Variants in ZNF525 observed in about 807,000 individuals in gnomAD.
ZNF525 encodes zinc finger protein 525.
A neutral mutation model predicts 37.6 loss-of-function variants in ZNF525; 33 were observed. That is an observed-to-expected ratio of 0.88 (90% CI 0.67 to 1.17). The LOEUF (loss-of-function observed/expected upper bound fraction) is 1.17, where lower values mean the gene tolerates loss of function less well. Ranked by LOEUF, ZNF525 falls within the 50% of genes most tolerant of loss-of-function variation. The pLI, the probability that ZNF525 is intolerant of heterozygous loss-of-function variation, is 0.00. For synonymous variants in ZNF525, 170 were observed against 182.3 expected (o/e 0.93, Z 0.54); for missense variants, 449 against 543.1 (o/e 0.83, Z 1.72).
chr19:53,382,789 G>T lies in ZNF525; in HGVS notation c.*770G>T. ...ATCGTTCATACCTTGCAGTTCACGG[G>T]CGAACTCATGCTGGAGAGAAACCTT... On this transcript the variant is annotated 3_prime_UTR_variant, in exon 4 of 4. Coordinates refer to ENST00000474037, the MANE Select transcript of ZNF525 (RefSeq NM_001348156.2). 1 of 1,099,256 alleles carries T rather than the reference G, an allele frequency of 9.1e-7. No individual in the cohort carries two copies. Among genetic ancestry groups the T allele is most frequent in the Non-Finnish European group, 1.4e-6 (1 of 735,158 alleles). 68.1% of individuals were successfully genotyped at this position (1,099,256 alleles called of 1,614,324 possible).
At chr19:53,379,893 T>C (rs1334330399) in intron 3 of ZNF525, among the ~76,000 whole-genome samples, 1 of 152,066 alleles carries the variant, frequency 6.6e-6, no homozygotes, top group Non-Finnish European at 1.5e-5. Context: ...TCCCATGTAC[T>C]CAGGAGGCTG....
chr19:53,366,540 GAAAA>G lies in ZNF525; in HGVS notation c.-68+795_-68+798del, dbSNP rs57967171. On this transcript the variant is annotated intron_variant, in intron 1 of 3. Transcript: ENST00000474037. ...GGATTTGCCAAGAGACAGCAAAAGT[GAAAA>G]AAAAAAAAAAAAAGATAAGCAGGAG... is the stretch of plus-strand genomic sequence containing the variant. 1.1e-4 allele frequency among the ~76,000 whole-genome samples: 14 copies of G among 124,146 alleles called. No individual in the cohort carries two copies. In the South Asian group the frequency reaches 1.8e-3, roughly 16 times the overall value. 81.4% of individuals were successfully genotyped at this position (124,146 alleles called of 152,430 possible). A position where few individuals can be genotyped will look rare whatever the true frequency, so the allele number is the denominator to read the frequency against.
At chr19:53,376,328 T>C (rs984070004) in intron 3 of ZNF525, 2 of 702,998 alleles carry the variant, frequency 2.8e-6, no homozygotes, top group Non-Finnish European at 5.2e-6. Flanking sequence ...AGTTGGTTCC[T>C]GTTGATTGAG....
Position 53,385,032 on chromosome 19 carries a change from T to G in ZNF525, c.*3013T>G. 1 of 699,778 alleles carries G rather than the reference T, an allele frequency of 1.4e-6. No individual in the cohort carries two copies. Among genetic ancestry groups the G allele is most frequent in the Non-Finnish European group, 2.6e-6 (1 of 384,078 alleles). The allele number at this position is 699,778 out of a possible 1,614,324, so 43.3% of individuals were successfully genotyped here. A position where few individuals can be genotyped will look rare whatever the true frequency, so the allele number is the denominator to read the frequency against. On this transcript the variant is annotated 3_prime_UTR_variant, in exon 4 of 4. Transcript: ENST00000474037. The stretch of plus-strand genomic sequence containing the variant: ...GCTTTTTCTCCATCTACTAAGGTGA[T>G]GTGGTTTTAATCTTTCATTCTGTTC...
Position 53,372,067 on chromosome 19 carries a change from A to G in ZNF525, c.-67-148A>G, listed in dbSNP as rs151041555. The G allele has an allele frequency of 3.5e-3, 1,458 of 419,980 alleles. 14 individuals are homozygous for G. The highest frequency in any genetic ancestry group is 0.026 in the African/African-American group (1,309 of 49,544). 26.0% of individuals were successfully genotyped at this position (419,980 alleles called of 1,614,324 possible). A position where few individuals can be genotyped will look rare whatever the true frequency, so the allele number is the denominator to read the frequency against. On this transcript the variant is annotated intron_variant, in intron 1 of 3. Coordinates refer to ENST00000474037, the MANE Select transcript of ZNF525 (RefSeq NM_001348156.2). ...AGGAGGGGAGTGGGAGTTTTCCTGT[A>G]GGAGTTTATTGTACCTGGTACCTGG...
intron 3 of ZNF525, among the ~76,000 whole-genome samples, chr19:53,379,723 C>A (rs899025553): frequency 1.3e-5 from 2 of 152,138 alleles, no homozygotes; most frequent in African/African-American, 4.8e-5. Context: ...AAAGTGCCAG[C>A]GGGTGCTGTG....
At chr19:53,367,323 T>G (rs997241208) in intron 1 of ZNF525, among the ~76,000 whole-genome samples, 1 of 150,476 alleles carries the variant, frequency 6.6e-6, no homozygotes, top group South Asian at 2.1e-4. Flanking sequence ...ATTTTTTTTT[T>G]TAAATTTCTG....
At position 53,381,634 on chromosome 19, in the gene ZNF525, A is replaced by G. The variant is rs760552089; in HGVS notation, c.1055A>G (p.Lys352Arg). 2 of 1,131,270 alleles carry G rather than the reference A, an allele frequency of 1.8e-6. No individual in the cohort carries two copies. The highest frequency in any genetic ancestry group is 2.7e-6 in the Non-Finnish European group (2 of 739,088). 70.1% of individuals were successfully genotyped at this position (1,131,270 alleles called of 1,614,324 possible). ...TGCCATCGTAGCATTCATACTGGAA[A>G]GAAACCTTACGAATGTGAAGAATGT... is the stretch of plus-strand genomic sequence containing the variant. ...LACHRSIHTG[K>R]KPYECEECDK... The change falls in exon 4 of 4, where the codon AAG becomes AGG. Residue 352 changes from lysine (K) to arginine (R), a missense_variant. Coordinates refer to ENST00000474037, the MANE Select transcript of ZNF525 (RefSeq NM_001348156.2).
rs1243872003 is a variant in ZNF525, at chr19:53,381,396, T to A, written c.817T>A (p.Cys273Ser). ...RCHTGEKPYK[C>S]NECGKSFSQM... The stretch of plus-strand genomic sequence containing the variant: ...TCACACTGGTGAGAAACCTTACAAG[T>A]GTAATGAGTGTGGCAAGTCCTTCAG... Residue 273 changes from cysteine (C) to serine (S), a missense_variant, in exon 4 of 4, where the codon TGT (cysteine) becomes AGT (serine). Physicochemically the swap from Cys to Ser is moderately radical, Grantham distance 112 (BLOSUM62 -1). Coordinates refer to ENST00000474037, the MANE Select transcript of ZNF525 (RefSeq NM_001348156.2). The A allele has an allele frequency of 6.3e-7, 1 of 1,596,200 alleles. No individual in the cohort carries two copies. Among genetic ancestry groups the A allele is most frequent in the African/African-American group, 1.3e-5 (1 of 74,604 alleles).
In ZNF525 at chr19:53,384,205, T is replaced by C. The variant is rs1329813314; in HGVS notation, c.*2186T>C. 3.3e-5 allele frequency: 11 copies of C among 334,674 alleles called. No homozygotes were observed. The highest frequency in any genetic ancestry group is 5.9e-5 in the Non-Finnish European group (10 of 168,362). 20.7% of individuals were successfully genotyped at this position (334,674 alleles called of 1,614,324 possible). On this transcript the variant is annotated 3_prime_UTR_variant, in exon 4 of 4. Coordinates refer to ENST00000474037, the MANE Select transcript of ZNF525 (RefSeq NM_001348156.2). ...AGTGTTTATGTTAAGAGGACTGGGC[T>C]GTGTGGCATGGCTCACGCCTGTAAT...
At chr19:53,374,113 C>T (rs2085505793) in intron 2 of ZNF525, among the ~76,000 whole-genome samples, 1 of 152,018 alleles carries the variant, frequency 6.6e-6, no homozygotes, top group African/African-American at 2.4e-5. Context: ...GAACTTCTGA[C>T]CTAAGATGAT....
chr19:53,374,450 A>T (rs1174528033), intron 2 of ZNF525, among the ~76,000 whole-genome samples: 2 of 152,172 alleles, frequency 1.3e-5, no homozygotes, highest in African/African-American at 4.8e-5. Flanking sequence ...CTGCCTCTGC[A>T]CGTGCCTGCA....
chr19:53,372,982 A>G (rs568287252), intron 2 of ZNF525, among the ~76,000 whole-genome samples: 1 of 152,200 alleles, frequency 6.6e-6, no homozygotes, highest in Non-Finnish European at 1.5e-5. Flanking sequence ...TTCAGTAAAA[A>G]TGGTTATAAC....
Position 53,373,087 on chromosome 19 carries a change from C to T in ZNF525, c.15+791C>T, listed in dbSNP as rs2085498551. On this transcript the variant is annotated intron_variant, in intron 2 of 3. Coordinates refer to ENST00000474037, the MANE Select transcript of ZNF525 (RefSeq NM_001348156.2). ...TTACAATTATTATTATTATGATATT[C>T]TGATAATATTATTATATTTTAAATA... Among the ~76,000 whole-genome samples the T allele has an allele frequency of 2.6e-5, 4 of 151,896 alleles. No individual in the cohort carries two copies. In the South Asian group the frequency reaches 8.3e-4, roughly 31 times the overall value.
At position 53,381,625 on chromosome 19, in the gene ZNF525, A is replaced by G. The variant is rs773918580; in HGVS notation, c.1046A>G (p.His349Arg). The G allele has an allele frequency of 1.8e-6, 2 of 1,117,258 alleles. No homozygotes were observed. Among genetic ancestry groups the G allele is most frequent in the Admixed American group, 1.7e-5 (1 of 59,392 alleles). The allele number at this position is 1,117,258 out of a possible 1,614,324, so 69.2% of individuals were successfully genotyped here. A position where few individuals can be genotyped will look rare whatever the true frequency, so the allele number is the denominator to read the frequency against. Residue 349 changes from histidine to arginine, a missense_variant, in exon 4 of 4, where the codon CAT becomes CGT. By Grantham distance (29) the His-to-Arg change is conservative (BLOSUM62 0). Coordinates refer to ENST00000474037, the MANE Select transcript of ZNF525 (RefSeq NM_001348156.2). ...KSYLACHRSIHTGKKPYECEE... is the reference protein window; with the variant it reads ...KSYLACHRSIRTGKKPYECEE... ...TACCTTGCATGCCATCGTAGCATTC[A>G]TACTGGAAAGAAACCTTACGAATGT...
At chr19:53,371,664 T>C (rs918835728) in intron 1 of ZNF525, among the ~76,000 whole-genome samples, 2 of 152,146 alleles carry the variant, frequency 1.3e-5, no homozygotes, top group Non-Finnish European at 2.9e-5. Context: ...CCACTGTGAC[T>C]GGCTCAATTT....
chr19:53,386,438 A>C lies in ZNF525; in HGVS notation c.*4419A>C. 1.4e-6 allele frequency: 1 copy of C among 731,960 alleles called. No homozygotes were observed. The highest frequency in any genetic ancestry group is 2.4e-6 in the Non-Finnish European group (1 of 412,650). The allele number at this position is 731,960 out of a possible 1,614,324, so 45.3% of individuals were successfully genotyped here. On this transcript the variant is annotated 3_prime_UTR_variant, in exon 4 of 4. Coordinates refer to ENST00000474037, the MANE Select transcript of ZNF525 (RefSeq NM_001348156.2). ...ATATTTATGCTGTCTGAGCATCACA[A>C]TCACGTTACCATATCAAGCTGAAAA...
At position 53,381,070 on chromosome 19, in the gene ZNF525, T is replaced by G. The variant is rs771964552; in HGVS notation, c.491T>G (p.Val164Gly). 9 of 1,508,360 alleles carry G rather than the reference T, an allele frequency of 6.0e-6. 1 individual carries two copies. In the South Asian group the frequency reaches 1.0e-4, roughly 17 times the overall value. 93.4% of individuals were successfully genotyped at this position (1,508,360 alleles called of 1,614,324 possible). Residue 164 changes from valine (V) to glycine (G), a missense_variant, in exon 4 of 4, where the codon GTG becomes GGG. This residue lies in a region of ZNF525 where 271 missense variants were observed against 381.6 expected (regional missense o/e 0.71). Coordinates refer to ENST00000474037, the MANE Select transcript of ZNF525 (RefSeq NM_001348156.2). Reference sequence around the variant, plus strand: ...CCCAAAGGGAAAATTAATAATCAAGTGGAGAAGTCTATCAACGATGCTTCC... The same window carrying G: ...CCCAAAGGGAAAATTAATAATCAAGGGGAGAAGTCTATCAACGATGCTTCC... ...FQPKGKINNQ[V>G]EKSINDASSV...
intron 3 of ZNF525, among the ~76,000 whole-genome samples, chr19:53,380,193 C>G (rs1475243941): frequency 6.6e-6 from 1 of 151,628 alleles, no homozygotes. Flanking sequence ...TGGGTTCAAG[C>G]AATTCTTGTA....
Sources: allele counts gnomAD v4.1 joint callset (sites outside exome capture counted in the v4.1 genomes callset), GRCh38; gene constraint gnomAD v4.1.1; regional missense constraint gnomAD v4.1.1; transcripts MANE v1.5; gene names NCBI Gene and HGNC (gene_info 2026-07-23, HGNC 2026-07-21).